Variants in RNF180 observed in about 807,000 individuals in gnomAD.
The protein encoded by RNF180 is ring finger protein 180.
A neutral mutation model predicts 59.2 loss-of-function variants in RNF180; 38 were observed. The ratio of observed to expected loss-of-function variants is 0.64; its 90% CI spans 0.50 to 0.84. RNF180 has a LOEUF of 0.84. RNF180 is among the 40% of genes least tolerant of loss of function. The pLI is 0.00. For missense variants in RNF180, 705 were observed against 700.9 expected (o/e 1.01, Z -0.07); for synonymous variants, 262 against 240.3 (o/e 1.09, Z -0.84).
chr5:64,212,836 C>A (rs1752381323), intron 3 of RNF180, among the ~76,000 whole-genome samples: 1 of 152,130 alleles, frequency 6.6e-6, no homozygotes, highest in African/African-American at 2.4e-5. Flanking sequence ...AATTACATTT[C>A]TCCACTGAGC....
chr5:64,291,585 C>T (rs570756755), intron 5 of RNF180, among the ~76,000 whole-genome samples: 15 of 138,656 alleles, frequency 1.1e-4, no homozygotes, highest in African/African-American at 1.7e-4. Context: ...CCACCGCACC[C>T]GGCTAATTTT....
intron 5 of RNF180, among the ~76,000 whole-genome samples, chr5:64,320,931 G>A (rs1445885600): frequency 1.3e-5 from 2 of 152,094 alleles, no homozygotes; most frequent in Non-Finnish European, 2.9e-5. Context: ...CCAGCCACTC[G>A]GGAGGCTGAG....
intron 2 of RNF180, among the ~76,000 whole-genome samples, chr5:64,206,510 A>G (rs763143817): frequency 6.6e-5 from 10 of 152,042 alleles, no homozygotes; most frequent in Non-Finnish European, 1.2e-4. Flanking sequence ...TTTTCCTTCA[A>G]TGGCTGTAAT....
chr5:64,211,645 A>G (rs1020802308), intron 2 of RNF180, among the ~76,000 whole-genome samples: 1 of 152,120 alleles, frequency 6.6e-6, no homozygotes, highest in African/African-American at 2.4e-5. Flanking sequence ...CTGCACATCC[A>G]TCCAGCATCT....
At chr5:64,199,921 T>TA (rs1751652124) in intron 1 of RNF180, among the ~76,000 whole-genome samples, 1 of 152,206 alleles carries the variant, frequency 6.6e-6, no homozygotes, top group South Asian at 2.1e-4. Flanking sequence ...CTTGATTATA[T>TA]ACAAGATGTA....
rs184959773 is a variant in RNF180, at chr5:64,327,821, T to G, written c.1453+2410T>G. 6.6e-5 allele frequency among the ~76,000 whole-genome samples: 10 copies of G among 152,330 alleles called. No individual in the cohort carries two copies. In the East Asian group the frequency reaches 1.9e-3, roughly 29 times the overall value. On this transcript the variant is annotated intron_variant, in intron 6 of 7. Coordinates refer to ENST00000389100, the MANE Select transcript of RNF180 (RefSeq NM_001113561.2). ...TGGTGCAGCTTAAATCCAATGTTTG[T>G]TAATTTTCTGTCTAGATCTGTGCAA...
intron 5 of RNF180, among the ~76,000 whole-genome samples, chr5:64,311,282 T>C (rs1382258334): frequency 1.3e-5 from 2 of 152,116 alleles, no homozygotes; most frequent in East Asian, 1.9e-4. Context: ...ATGGTTGATA[T>C]AGTTCAAACT....
intron 7 of RNF180, among the ~76,000 whole-genome samples, chr5:64,343,663 C>CA (rs1250517463): frequency 3.3e-5 from 5 of 151,680 alleles, no homozygotes; most frequent in Admixed American, 2.0e-4. Flanking sequence ...CTGACTTGAA[C>CA]AGGAACACCA....
intron 5 of RNF180, among the ~76,000 whole-genome samples, chr5:64,287,075 TC>T (rs1285753252): frequency 6.6e-6 from 1 of 152,192 alleles, no homozygotes; most frequent in Non-Finnish European, 1.5e-5. Flanking sequence ...CAAGCAGTTC[TC>T]CTGCCTCAGC....
chr5:64,327,307 T>C (rs916362398), intron 6 of RNF180, among the ~76,000 whole-genome samples: 1 of 152,088 alleles, frequency 6.6e-6, no homozygotes, highest in Non-Finnish European at 1.5e-5. Flanking sequence ...GTCTTTATTA[T>C]TTCTTTCCTT....
At chr5:64,208,248 A>G (rs553097512) in intron 2 of RNF180, among the ~76,000 whole-genome samples, 1 of 152,142 alleles carries the variant, frequency 6.6e-6, no homozygotes, top group African/African-American at 2.4e-5. Context: ...TATTACATGA[A>G]ATTGCTATTA....
chr5:64,365,873 G>A (rs1283345599), intron 7 of RNF180, among the ~76,000 whole-genome samples: 1 of 151,546 alleles, frequency 6.6e-6, no homozygotes, highest in African/African-American at 2.4e-5. Flanking sequence ...GTCATTGCAT[G>A]TAAGATGAGT....
chr5:64,216,669 C>G (rs1752646479), intron 4 of RNF180, among the ~76,000 whole-genome samples: 1 of 152,024 alleles, frequency 6.6e-6, no homozygotes, highest in Admixed American at 6.5e-5. Context: ...ATATTTGAAT[C>G]TTAGGGATGT....
chr5:64,226,235 T>C (rs1251351157), intron 5 of RNF180, among the ~76,000 whole-genome samples: 1 of 150,864 alleles, frequency 6.6e-6, no homozygotes, highest in Non-Finnish European at 1.5e-5. Context: ...AAGGGGGAAA[T>C]GTGGGGAAAA....
chr5:64,194,090 G>A (rs1029480801), intron 1 of RNF180, among the ~76,000 whole-genome samples: 2 of 152,064 alleles, frequency 1.3e-5, no homozygotes, highest in African/African-American at 4.8e-5. Context: ...TGCCATGTTG[G>A]TGTGCTGCAC....
chr5:64,242,940 G>A (rs1436802568), intron 5 of RNF180, among the ~76,000 whole-genome samples: 1 of 152,164 alleles, frequency 6.6e-6, no homozygotes. Context: ...CACAGAGGGT[G>A]AGCCAAAGCA....
intron 5 of RNF180, among the ~76,000 whole-genome samples, chr5:64,302,459 A>T (rs1234073421): frequency 6.6e-6 from 1 of 151,448 alleles, no homozygotes; most frequent in Non-Finnish European, 1.5e-5. Flanking sequence ...ACATCAGAAG[A>T]TATTGAAGTA....
chr5:64,181,208 T>C (rs1207209508), intron 1 of RNF180, among the ~76,000 whole-genome samples: 1 of 152,188 alleles, frequency 6.6e-6, no homozygotes, highest in Non-Finnish European at 1.5e-5. Flanking sequence ...GGTGAGTCTG[T>C]CTGTCTTTCC....
chr5:64,218,389 A>G (rs1305058508), intron 5 of RNF180, among the ~76,000 whole-genome samples: 4 of 152,188 alleles, frequency 2.6e-5, no homozygotes, highest in Non-Finnish European at 4.4e-5. Flanking sequence ...TCCTTCCTTC[A>G]TTGAAATGCA....
Sources: allele counts gnomAD v4.1 joint callset (sites outside exome capture counted in the v4.1 genomes callset), GRCh38; gene constraint gnomAD v4.1.1; transcripts MANE v1.5; gene names NCBI Gene and HGNC (gene_info 2026-07-23, HGNC 2026-07-21).